Variants in EFCAB6 observed in about 807,000 individuals in gnomAD.
EFCAB6 encodes EF-hand calcium binding domain 6.
EFCAB6 carries 156 observed loss-of-function variants against 169.8 expected under a neutral mutation model. The ratio of observed to expected loss-of-function variants is 0.92; its 90% CI spans 0.81 to 1.05. The LOEUF is 1.05. EFCAB6 is among the 50% of genes least tolerant of loss of function. The pLI is 0.00. For synonymous variants in EFCAB6, 698 were observed against 676.4 expected (o/e 1.03, Z -0.50); for missense variants, 1,800 against 1,829.1 (o/e 0.98, Z 0.29).
chr22:43,789,847 T>TCACTCACACACACA (rs1556414972), intron 2 of EFCAB6, among the ~76,000 whole-genome samples: 142 of 143,400 alleles, frequency 9.9e-4, no homozygotes, highest in African/African-American at 3.6e-3. Context: ...TGGCTAACCT[T>TCACTCACACACACA]CACACACACA....
intron 8 of EFCAB6, among the ~76,000 whole-genome samples, chr22:43,724,811 T>C (rs1256343475): frequency 1.3e-5 from 2 of 152,232 alleles, no homozygotes; most frequent in Non-Finnish European, 2.9e-5. Context: ...TCTAGGCTTT[T>C]TCTAGCCTGC....
intron 30 of EFCAB6, among the ~76,000 whole-genome samples, chr22:43,533,205 G>A (rs1176785762): frequency 6.6e-6 from 1 of 152,186 alleles, no homozygotes; most frequent in African/African-American, 2.4e-5. Flanking sequence ...ATGCATGGTG[G>A]GTGTAGTTTC....
At chr22:43,570,340 T>C (rs1376084686) in intron 26 of EFCAB6, among the ~76,000 whole-genome samples, 3 of 152,206 alleles carry the variant, frequency 2.0e-5, no homozygotes, top group Non-Finnish European at 4.4e-5. Flanking sequence ...GTTTCTACTA[T>C]GTCTTTTAAA....
rs143103874 is a variant in EFCAB6, at chr22:43,784,596, T to G, written c.-7-2271A>C. 3.5e-4 allele frequency among the ~76,000 whole-genome samples: 20 copies of G among 56,756 alleles called. 1 individual carries two copies. In the South Asian group the frequency reaches 0.011, roughly 30 times the overall value. The allele number at this position is 56,756 out of a possible 152,430, so 37.2% of individuals were successfully genotyped here. A position where few individuals can be genotyped will look rare whatever the true frequency, so the allele number is the denominator to read the frequency against. On this transcript the variant is annotated intron_variant, in intron 2 of 31. Coordinates refer to ENST00000262726, the MANE Select transcript of EFCAB6 (RefSeq NM_022785.4). Reference sequence around the variant, plus strand: ...GTACATATACACATATATATGTATATATACACATATATATGTGTATATATA... The same window carrying G: ...GTACATATACACATATATATGTATAGATACACATATATATGTGTATATATA...
At chr22:43,726,974 A>G (rs943194139) in intron 8 of EFCAB6, among the ~76,000 whole-genome samples, 1 of 152,262 alleles carries the variant, frequency 6.6e-6, no homozygotes, top group Admixed American at 6.5e-5. Flanking sequence ...TTGCAAAATT[A>G]TGAGACAGAA....
At chr22:43,656,919 G>A (rs992909443) in intron 17 of EFCAB6, among the ~76,000 whole-genome samples, 6 of 152,194 alleles carry the variant, frequency 3.9e-5, no homozygotes, top group South Asian at 2.1e-4. Context: ...TCATTAAGCC[G>A]CATATGACTG....
chr22:43,596,768 A>C (rs2052045311), intron 23 of EFCAB6, among the ~76,000 whole-genome samples: 1 of 152,208 alleles, frequency 6.6e-6, no homozygotes, highest in East Asian at 1.9e-4. Context: ...CTCATATGGA[A>C]CCACAAAAGA....
intron 13 of EFCAB6, among the ~76,000 whole-genome samples, chr22:43,674,608 C>G (rs750239286): frequency 6.6e-6 from 1 of 152,208 alleles, no homozygotes; most frequent in Non-Finnish European, 1.5e-5. Flanking sequence ...TGAAGACAGG[C>G]ATGATCTGTT....
intron 12 of EFCAB6, among the ~76,000 whole-genome samples, chr22:43,678,418 G>A (rs1271762113): frequency 1.3e-5 from 2 of 150,574 alleles, no homozygotes; most frequent in African/African-American, 2.4e-5. Flanking sequence ...TTCTCTATCA[G>A]GACATGGCTT....
intron 23 of EFCAB6, among the ~76,000 whole-genome samples, chr22:43,594,877 TG>T (rs1411362339): frequency 6.6e-6 from 1 of 152,178 alleles, no homozygotes; most frequent in Non-Finnish European, 1.5e-5. Context: ...ACATCATATG[TG>T]GCCACAAAAC....
In EFCAB6 at chr22:43,534,840, T is replaced by C. The variant is rs141680759; in HGVS notation, c.4081A>G (p.Lys1361Glu). Reference protein sequence around the residue: ...LVEKFNLDISKEECQQLIIKY... With the variant: ...LVEKFNLDISEEECQQLIIKY... ...ATAATGAGCTGCTGACACTCCTCTT[T>C]GCTTATGTCCAGGTTGAATTTCTCC... The change falls in exon 30 of 32, where the codon AAA (lysine) becomes GAA (glutamate). Residue 1361 changes from lysine (K) to glutamate (E), a missense_variant. Coordinates refer to ENST00000262726, the MANE Select transcript of EFCAB6 (RefSeq NM_022785.4). 1.3e-5 allele frequency: 21 copies of C among 1,610,334 alleles called. No homozygotes were observed. The highest frequency in any genetic ancestry group is 1.6e-4 in the Middle Eastern group (1 of 6,074).
chr22:43,729,928 T>G (rs567421814), intron 8 of EFCAB6, among the ~76,000 whole-genome samples: 84 of 152,050 alleles, frequency 5.5e-4, no homozygotes, highest in Middle Eastern at 3.4e-3. Flanking sequence ...GGACTGTGTA[T>G]AGGCAGGAGG....
At chr22:43,717,570 GCAT>G (rs2059377606) in intron 8 of EFCAB6, among the ~76,000 whole-genome samples, 1 of 152,006 alleles carries the variant, frequency 6.6e-6, no homozygotes, top group African/African-American at 2.4e-5. Context: ...GAATTTTAAA[GCAT>G]CCAATAAATG....
At chr22:43,643,123 C>A (rs978198596) in intron 17 of EFCAB6, among the ~76,000 whole-genome samples, 1 of 152,216 alleles carries the variant, frequency 6.6e-6, no homozygotes, top group Non-Finnish European at 1.5e-5. Flanking sequence ...CACGAAAGAG[C>A]ATTTGATTGA....
intron 10 of EFCAB6, among the ~76,000 whole-genome samples, chr22:43,688,024 G>A (rs1387137451): frequency 6.6e-6 from 1 of 152,136 alleles, no homozygotes; most frequent in African/African-American, 2.4e-5. Context: ...TCTGGAGATG[G>A]AGCAACTCTC....
At chr22:43,663,135 C>A (rs913723674) in intron 17 of EFCAB6, among the ~76,000 whole-genome samples, 3 of 152,248 alleles carry the variant, frequency 2.0e-5, no homozygotes, top group African/African-American at 7.2e-5. Context: ...GCAGCTATCA[C>A]ATCACCGTCA....
At chr22:43,723,292 TG>T (rs1377857787) in intron 8 of EFCAB6, among the ~76,000 whole-genome samples, 1 of 152,060 alleles carries the variant, frequency 6.6e-6, no homozygotes, top group East Asian at 1.9e-4. Context: ...GATATAAGCA[TG>T]GGAACAACAG....
At chr22:43,664,985 G>A (rs553081480) in intron 17 of EFCAB6, among the ~76,000 whole-genome samples, 1 of 152,290 alleles carries the variant, frequency 6.6e-6, no homozygotes, top group African/African-American at 2.4e-5. Flanking sequence ...ATCTCTTCTG[G>A]AACTATCTGG....
At chr22:43,701,697 T>TA (rs1440559778) in intron 10 of EFCAB6, among the ~76,000 whole-genome samples, 1 of 149,156 alleles carries the variant, frequency 6.7e-6, no homozygotes, top group Non-Finnish European at 1.5e-5. Flanking sequence ...ACCTGCCTTA[T>TA]ATTAGGATAA....
Sources: gnomAD v4.1 joint callset for allele counts (sites outside exome capture counted in the v4.1 genomes callset) on GRCh38, gnomAD v4.1.1 for gene constraint, MANE v1.5 for transcripts, NCBI Gene and HGNC (gene_info 2026-07-23, HGNC 2026-07-21) for gene names.